Variants in DCHS1 observed in about 807,000 individuals in gnomAD.
DCHS1 encodes dachsous cadherin-related 1.
DCHS1 carries 78 observed loss-of-function variants against 213.9 expected under a neutral mutation model. The ratio of observed to expected loss-of-function variants is 0.36; its 90% CI spans 0.30 to 0.44. The LOEUF (loss-of-function observed/expected upper bound fraction) is 0.44. Among genes scored for constraint, DCHS1 ranks in the 20% least tolerant of loss-of-function variants. The pLI, the probability that DCHS1 is intolerant of heterozygous loss-of-function variation, is 1.00. For synonymous variants in DCHS1, 1,828 were observed against 1,873.7 expected, an observed-to-expected ratio of 0.98 and a Z score of 0.63; for missense variants, 3,946 against 4,395.9, an observed-to-expected ratio of 0.90 and a Z score of 2.89.
In DCHS1 at chr11:6,640,169, A is replaced by G; in HGVS notation, c.1445T>C (p.Leu482Pro). The G allele has an allele frequency of 6.2e-7, 1 of 1,613,810 alleles. No individual in the cohort carries two copies. Among genetic ancestry groups the G allele is most frequent in the Non-Finnish European group, 8.5e-7 (1 of 1,179,818 alleles). ...GCTGCCAGGCAGCGCAACCTCAGGC[A>G]GGGGCTCAGGTCGGTAGAGCTGGCG... ...FDRQLYRPEP[L>P]PEVALPGSFV... The change falls in exon 2 of 21, where the codon CTG (leucine) becomes CCG (proline). Residue 482 changes from leucine to proline, a missense_variant. Leu to Pro is a moderately conservative substitution (Grantham distance 98). Transcript: ENST00000299441. This position sits in a 1 kb window ranked among gnomAD's most constrained non-coding sequence, Gnocchi z 6.5.
At chr11:6,638,406 T>C (rs1856018235) in intron 2 of DCHS1, among the ~76,000 whole-genome samples, 1 of 152,180 alleles carries the variant, frequency 6.6e-6, no homozygotes, top group African/African-American at 2.4e-5. Context: ...AAAGTTGAAT[T>C]TGTGACCTGG....
rs1855702144 is a variant in DCHS1 at position 6,622,055 on chromosome 11, G to A, written c.9621C>T (p.Ala3207=). 24 of 1,612,412 alleles carry A rather than the reference G, an allele frequency of 1.5e-5. No homozygotes were observed. Among genetic ancestry groups the A allele is most frequent in the Admixed American group, 1.7e-5 (1 of 59,958 alleles). The change falls in exon 21 of 21, where the codon GCC becomes GCT. Residue 3207 remains alanine, a synonymous_variant. Coordinates refer to ENST00000299441, the MANE Select transcript of DCHS1 (RefSeq NM_003737.4). This position sits in a 1 kb window ranked among gnomAD's most constrained non-coding sequence, Gnocchi z 5.4. ...CAGACTTGGCTCCTGGGTGGGCCAC[G>A]GCAGTGATGAGGGGTGGTGGGTCGA... The part of the protein sequence containing the change: ...PRIDPPPLIT[A]VAHPGAKSVP...
rs200970279 is a variant in DCHS1 at position 6,627,086 on chromosome 11, T to C, written c.5953A>G (p.Thr1985Ala). Residue 1985 changes from threonine to alanine, a missense_variant, in exon 14 of 21, where the codon ACA (threonine) becomes GCA (alanine). By Grantham distance (58) the Thr-to-Ala change is moderately conservative. Transcript: ENST00000299441. This position sits in a 1 kb window ranked among gnomAD's most constrained non-coding sequence, Gnocchi z 5.4. ...SFSTPTLALATLRAEDRDAGA... is the reference protein window; with the variant it reads ...SFSTPTLALAALRAEDRDAGA... The stretch of plus-strand genomic sequence containing the variant: ...GCATCACGATCTTCAGCTCTCAGTG[T>C]GGCCAGAGCCAGGGTTGGGGTACTG... 4.6e-5 allele frequency: 74 copies of C among 1,613,392 alleles called. No homozygotes were observed. Among genetic ancestry groups the C allele is most frequent in the Non-Finnish European group, 6.2e-5 (73 of 1,179,784 alleles).
intron 1 of DCHS1, among the ~76,000 whole-genome samples, chr11:6,644,357 C>T (rs955415356): frequency 6.6e-6 from 1 of 152,210 alleles, no homozygotes; most frequent in Admixed American, 6.5e-5. Context: ...CTCACCTTTA[C>T]TTCCCCCACC....
chr11:6,636,088 A>C (rs942933366), intron 2 of DCHS1, among the ~76,000 whole-genome samples: 4 of 152,212 alleles, frequency 2.6e-5, no homozygotes, highest in African/African-American at 9.7e-5. Context: ...TCAAGGAGAA[A>C]AGAAAGACAC....
rs1298785420 is a variant in DCHS1, at chr11:6,621,634, G to A, written c.*145C>T. The A allele has an allele frequency of 1.1e-6, 1 of 905,076 alleles. No individual in the cohort carries two copies. Among genetic ancestry groups the A allele is most frequent in the Non-Finnish European group, 1.8e-6 (1 of 571,182 alleles). 56.1% of individuals were successfully genotyped at this position (905,076 alleles called of 1,614,324 possible). A position where few individuals can be genotyped will look rare whatever the true frequency, so the allele number is the denominator to read the frequency against. On this transcript the variant is annotated 3_prime_UTR_variant, in exon 21 of 21. Coordinates refer to ENST00000299441, the MANE Select transcript of DCHS1 (RefSeq NM_003737.4). ...GTGGTCCTAGTACTCTGAGGGGGCT[G>A]GGGAGTTCAGGGTGGAGAGCTGGGG...
intron 2 of DCHS1, among the ~76,000 whole-genome samples, chr11:6,637,281 C>T (rs1359390708): frequency 6.6e-6 from 1 of 152,144 alleles, no homozygotes; most frequent in Non-Finnish European, 1.5e-5. Context: ...TGCTAAGTGC[C>T]TTGCAGGATG....
chr11:6,628,794 G>A lies in DCHS1; in HGVS notation c.5198C>T (p.Thr1733Met), dbSNP rs146184962. 103 of 1,613,870 alleles carry A rather than the reference G, an allele frequency of 6.4e-5. No homozygotes were observed. The highest frequency in any genetic ancestry group is 8.2e-5 in the Non-Finnish European group (97 of 1,179,836). ...CACAGCCACTCGAACAGTGACATGC[G>A]TTAACTGAGGAGGTGAGCCCCTGTC... ...AQDRGSPPQLTHVTVRVAVED... is the reference protein window; with the variant it reads ...AQDRGSPPQLMHVTVRVAVED... Residue 1733 changes from threonine (T) to methionine (M), a missense_variant, in exon 13 of 21, where the codon ACG (threonine) becomes ATG (methionine). Physicochemically the swap from Thr to Met is moderately conservative, Grantham distance 81 (BLOSUM62 -1). Coordinates refer to ENST00000299441, the MANE Select transcript of DCHS1 (RefSeq NM_003737.4). This position sits in a 1 kb window ranked among gnomAD's most constrained non-coding sequence, Gnocchi z 4.3.
Position 6,655,804 on chromosome 11 carries a change from T to TC in DCHS1, c.-363dup, listed in dbSNP as rs1420047378. 1 of 892,562 alleles carries TC rather than the reference T, an allele frequency of 1.1e-6. No individual in the cohort carries two copies. Among genetic ancestry groups the TC allele is most frequent in the Non-Finnish European group, 1.3e-6 (1 of 767,852 alleles). The allele number at this position is 892,562 out of a possible 1,614,324, so 55.3% of individuals were successfully genotyped here. On this transcript the variant is annotated 5_prime_UTR_variant, in exon 1 of 21. Transcript: ENST00000299441. ...CAGCCGCCCCGCCGAGGATGCGAGCTCCGCTGCCGCGGCCCCGCGCCCCCT... is the reference window on the plus strand; with the variant it reads ...CAGCCGCCCCGCCGAGGATGCGAGCTCCCGCTGCCGCGGCCCCGCGCCCCCT...
chr11:6,644,239 A>G (rs2134650411), intron 1 of DCHS1, among the ~76,000 whole-genome samples: 1 of 152,352 alleles, frequency 6.6e-6, no homozygotes, highest in East Asian at 1.9e-4. Context: ...TTATGTCTAT[A>G]GCATCAAGAG....
intron 2 of DCHS1, chr11:6,634,906 T>A (rs911376958): frequency 6.6e-6 from 1 of 152,240 alleles, no homozygotes; most frequent in Non-Finnish European, 1.5e-5. Context: ...GTAACTCAAA[T>A]TTTTCATCTC....
rs1450517022 is a variant in DCHS1 at position 6,640,179 on chromosome 11, G to A, written c.1435C>T (p.Pro479Ser). Residue 479 changes from proline to serine, a missense_variant, in exon 2 of 21, where the codon CCT becomes TCT. Pro to Ser is a moderately conservative substitution (Grantham distance 74). This residue lies in a region of DCHS1 where 3,384 missense variants were observed against 3,780.1 expected (regional missense o/e 0.90). Transcript: ENST00000299441. The surrounding 1 kb of genome is among the most constrained non-coding windows in gnomAD (Gnocchi z 6.5). ...AGCGCAACCTCAGGCAGGGGCTCAG[G>A]TCGGTAGAGCTGGCGGTCAAAGGCA... The part of the protein sequence containing the change: ...APAFDRQLYR[P>S]EPLPEVALPG... 3 of 1,613,818 alleles carry A rather than the reference G, an allele frequency of 1.9e-6. No individual in the cohort carries two copies. The Admixed American group carries it at 5.0e-5, about 27-fold the overall frequency.
In DCHS1 at chr11:6,627,532, C is replaced by A. The variant is rs772766342; in HGVS notation, c.5507G>T (p.Ser1836Ile). The change falls in exon 14 of 21, where the codon AGT becomes ATT. Residue 1836 changes from serine (S) to isoleucine (I), a missense_variant. Coordinates refer to ENST00000299441, the MANE Select transcript of DCHS1 (RefSeq NM_003737.4). This position sits in a 1 kb window ranked among gnomAD's most constrained non-coding sequence, Gnocchi z 5.4. ...TGTCACTGTCAAAAGCAGCGTGGCA[C>A]TGAGAGCTGGCTGGCCTCCATCCCG... ...EARDGGQPAL[S>I]ATLLLTVTVL... The A allele has an allele frequency of 2.2e-5, 36 of 1,612,562 alleles. No individual in the cohort carries two copies. Among genetic ancestry groups the A allele is most frequent in the Non-Finnish European group, 3.1e-5 (36 of 1,179,556 alleles).
In DCHS1 at chr11:6,633,963, G is replaced by A. The variant is rs267603131; in HGVS notation, c.2044C>T (p.Pro682Ser). The change falls in exon 4 of 21, where the codon CCT becomes TCT. Residue 682 changes from proline (P) to serine (S), a missense_variant. Transcript: ENST00000299441. ...KVFLSDENDN[P>S]PQFYPREYAA... ...TACTCCCGTGGATAAAACTGAGGAG[G>A]GTTGTCATTCTCGTCTGACAGAAAC... 1 of 1,614,012 alleles carries A rather than the reference G, an allele frequency of 6.2e-7. No homozygotes were observed. Among genetic ancestry groups the A allele is most frequent in the Non-Finnish European group, 8.5e-7 (1 of 1,179,886 alleles).
chr11:6,639,353 C>G (rs1856032221), intron 2 of DCHS1, among the ~76,000 whole-genome samples: 1 of 152,196 alleles, frequency 6.6e-6, no homozygotes, highest in Non-Finnish European at 1.5e-5. Context: ...ATCTCTCATT[C>G]TCATGTCTGA....
In DCHS1 at chr11:6,622,049, G is replaced by T; in HGVS notation, c.9627C>A (p.Ala3209=). ...GGGGCACAGACTTGGCTCCTGGGTG[G>T]GCCACGGCAGTGATGAGGGGTGGTG... The part of the protein sequence containing the change: ...IDPPPLITAV[A]HPGAKSVPPK... Residue 3209 remains alanine, a synonymous_variant, in exon 21 of 21, where the codon GCC becomes GCA. Coordinates refer to ENST00000299441, the MANE Select transcript of DCHS1 (RefSeq NM_003737.4). The surrounding 1 kb of genome is among the most constrained non-coding windows in gnomAD (Gnocchi z 5.4). The T allele has an allele frequency of 6.2e-7, 1 of 1,612,696 alleles. No homozygotes were observed. Among genetic ancestry groups the T allele is most frequent in the East Asian group, 2.2e-5 (1 of 44,854 alleles).
In DCHS1 at chr11:6,626,022, A is replaced by G; in HGVS notation, c.6629T>C (p.Leu2210Pro). 1 of 1,612,478 alleles carries G rather than the reference A, an allele frequency of 6.2e-7. No homozygotes were observed. ...TCCACGTGCCGGCTGGGATGCAGCC[A>G]GACTGTAGGAAATCTGTCCTCCAGA... The part of the protein sequence containing the change: ...QGSGGQISYS[L>P]AASQPARGLF... Residue 2210 changes from leucine to proline, a missense_variant, in exon 17 of 21, where the codon CTG (leucine) becomes CCG (proline). Physicochemically the swap from Leu to Pro is moderately conservative, Grantham distance 98. Transcript: ENST00000299441. This position sits in a 1 kb window ranked among gnomAD's most constrained non-coding sequence, Gnocchi z 5.2.
intron 1 of DCHS1, among the ~76,000 whole-genome samples, chr11:6,646,585 C>T (rs1025809338): frequency 2.6e-5 from 4 of 152,200 alleles, no homozygotes; most frequent in Admixed American, 2.6e-4. Flanking sequence ...ATGCTGCCTC[C>T]TGCCTAGATC....
At chr11:6,648,631 C>T (rs1856201275) in intron 1 of DCHS1, among the ~76,000 whole-genome samples, 1 of 152,192 alleles carries the variant, frequency 6.6e-6, no homozygotes, top group African/African-American at 2.4e-5. Flanking sequence ...TATATCATAG[C>T]AAGGCAGGAC....
Sources: allele counts gnomAD v4.1 joint callset (sites outside exome capture counted in the v4.1 genomes callset), GRCh38; gene constraint gnomAD v4.1.1; regional missense constraint gnomAD v4.1.1; non-coding constraint Gnocchi (gnomAD v3.1); transcripts MANE v1.5; gene names NCBI Gene and HGNC (gene_info 2026-07-23, HGNC 2026-07-21).